Variants in FBLN7 observed in about 807,000 individuals in gnomAD.
FBLN7 encodes the protein fibulin 7, also known as fibulin-7.
Under a neutral mutation model 44.0 loss-of-function variants are expected in FBLN7, and 31 were observed. That is an observed-to-expected ratio of 0.70 (90% CI 0.53 to 0.95). FBLN7 has a LOEUF of 0.95. Ranked by LOEUF, FBLN7 falls within the 40% of genes least tolerant of loss-of-function variation. FBLN7 has a pLI of 0.00. For synonymous variants in FBLN7, 262 were observed against 253.4 expected (o/e 1.03, Z -0.32); for missense variants, 573 against 618.5 (o/e 0.93, Z 0.78).
In FBLN7 at chr2:112,138,598, C is replaced by T. The variant is rs1403486129; in HGVS notation, c.-58C>T. 4 of 1,595,860 alleles carry T rather than the reference C, an allele frequency of 2.5e-6. No homozygotes were observed. Among genetic ancestry groups the T allele is most frequent in the East Asian group, 4.6e-5 (2 of 43,478 alleles). On this transcript the variant is annotated 5_prime_UTR_variant, in exon 1 of 8. Coordinates refer to ENST00000331203, the MANE Select transcript of FBLN7 (RefSeq NM_153214.3). ...ACGGCTGCCGCATCGCTGGGACAAACTCGGCAGCGGAGGCAAAGTTATTTC... is the reference window on the plus strand; with the variant it reads ...ACGGCTGCCGCATCGCTGGGACAAATTCGGCAGCGGAGGCAAAGTTATTTC...
chr2:112,227,473 C>T, the FBLN7 span, among the ~76,000 whole-genome samples: 1 of 152,172 alleles, frequency 6.6e-6, no homozygotes, highest in South Asian at 2.1e-4. Context: ...TGCAGTGAAC[C>T]GAGATCGCGC....
the FBLN7 span, among the ~76,000 whole-genome samples, chr2:112,233,038 C>A: frequency 6.6e-6 from 1 of 152,156 alleles, no homozygotes; most frequent in East Asian, 1.9e-4. Flanking sequence ...CTATACCACC[C>A]AGGTTGAGCA....
At chr2:112,206,278 T>G in the FBLN7 span, among the ~76,000 whole-genome samples, 1 of 152,232 alleles carries the variant, frequency 6.6e-6, no homozygotes, top group Non-Finnish European at 1.5e-5. Flanking sequence ...CTTATCAGTT[T>G]GCCTAAAAGT....
the FBLN7 span, among the ~76,000 whole-genome samples, chr2:112,210,406 A>G: frequency 1.3e-5 from 2 of 152,272 alleles, no homozygotes; most frequent in South Asian, 2.1e-4. Flanking sequence ...CTGTAACCCC[A>G]GCACTTTGGG....
chr2:112,206,658 C>G, the FBLN7 span, among the ~76,000 whole-genome samples: 4 of 152,056 alleles, frequency 2.6e-5, no homozygotes, highest in South Asian at 6.2e-4. Flanking sequence ...ATCCACCTGC[C>G]CTTGGCCTCC....
intron 2 of FBLN7, among the ~76,000 whole-genome samples, chr2:112,162,242 T>C (rs186194290): frequency 3.4e-4 from 51 of 152,052 alleles, no homozygotes; most frequent in African/African-American, 1.1e-3. Context: ...ACTCCCAGGC[T>C]CAAGCGATCC....
chr2:112,160,862 ACACACT>A (rs1250064872), intron 2 of FBLN7, among the ~76,000 whole-genome samples: 5 of 151,956 alleles, frequency 3.3e-5, no homozygotes, highest in South Asian at 2.1e-4. Context: ...ACACACACAC[ACACACT>A]CAGCCCGAGC....
intron 2 of FBLN7, among the ~76,000 whole-genome samples, chr2:112,160,796 A>ACG (rs1558880457): frequency 7.0e-6 from 1 of 142,274 alleles, no homozygotes; most frequent in African/African-American, 2.6e-5. Context: ...GCACACGCAC[A>ACG]CACGCACGCA....
At chr2:112,200,873 C>T in the FBLN7 span, among the ~76,000 whole-genome samples, 3 of 152,172 alleles carry the variant, frequency 2.0e-5, no homozygotes, top group Non-Finnish European at 4.4e-5. Context: ...TATTCTCTTT[C>T]ACTTAAAGGT....
At chr2:112,227,677 C>T in the FBLN7 span, among the ~76,000 whole-genome samples, 1 of 152,202 alleles carries the variant, frequency 6.6e-6, no homozygotes, top group African/African-American at 2.4e-5. Context: ...TTTCTACATA[C>T]TACCAATGAA....
chr2:112,229,281 T>C, the FBLN7 span, among the ~76,000 whole-genome samples: 2 of 152,190 alleles, frequency 1.3e-5, no homozygotes, highest in Non-Finnish European at 2.9e-5. Flanking sequence ...AAGAATGATA[T>C]GAGGCCTCTA....
the FBLN7 span, among the ~76,000 whole-genome samples, chr2:112,219,031 C>G: frequency 6.6e-6 from 1 of 152,170 alleles, no homozygotes; most frequent in Non-Finnish European, 1.5e-5. Flanking sequence ...CTACCCAAAG[C>G]AATCTATGTA....
At chr2:112,231,860 T>C in the FBLN7 span, 24 of 1,590,842 alleles carry the variant, frequency 1.5e-5, no homozygotes, top group Non-Finnish European at 2.0e-5. Flanking sequence ...TTCTTGTGTT[T>C]CAGGAGTCAG....
Position 112,187,400 on chromosome 2 carries a change from C to T in FBLN7, c.1214C>T (p.Pro405Leu). The change falls in exon 8 of 8, where the codon CCT becomes CTT. Residue 405 changes from proline to leucine, a missense_variant. Coordinates refer to ENST00000331203, the MANE Select transcript of FBLN7 (RefSeq NM_153214.3). This position sits in a 1 kb window ranked among gnomAD's most constrained non-coding sequence, Gnocchi z 5.1. Reference sequence around the variant, plus strand: ...ATCCTTGTGCAGAACCTGGAGGGGCCTCAGACGCTGGAGGTGGACGTCGAC... The same window carrying T: ...ATCCTTGTGCAGAACCTGGAGGGGCTTCAGACGCTGGAGGTGGACGTCGAC... ...DLILVQNLEG[P>L]QTLEVDVDMS... 1 of 1,614,164 alleles carries T rather than the reference C, an allele frequency of 6.2e-7. No individual in the cohort carries two copies. The highest frequency in any genetic ancestry group is 8.5e-7 in the Non-Finnish European group (1 of 1,180,034).
chr2:112,226,066 A>G, the FBLN7 span, among the ~76,000 whole-genome samples: 2 of 152,076 alleles, frequency 1.3e-5, no homozygotes, highest in Non-Finnish European at 2.9e-5. Context: ...TAGGCAACAG[A>G]GCAAGACTTC....
intron 1 of FBLN7, among the ~76,000 whole-genome samples, chr2:112,150,125 G>A (rs904462562): frequency 3.9e-5 from 6 of 152,184 alleles, no homozygotes; most frequent in Admixed American, 2.0e-4. Flanking sequence ...ACGTTTCCCC[G>A]TCTGCTGGAG....
At chr2:112,196,573 ATTAC>A in the FBLN7 span, among the ~76,000 whole-genome samples, 1 of 151,596 alleles carries the variant, frequency 6.6e-6, no homozygotes, top group African/African-American at 2.4e-5. Context: ...GCCCAGCCTG[ATTAC>A]TTAAATTGCA....
chr2:112,162,766 A>C (rs1320359), intron 2 of FBLN7, among the ~76,000 whole-genome samples: 1 of 151,892 alleles, frequency 6.6e-6, no homozygotes, highest in African/African-American at 2.4e-5. Context: ...TAAGTGCCAG[A>C]TACTGTTCAA....
At chr2:112,175,084 G>A (rs1035265540) in intron 3 of FBLN7, among the ~76,000 whole-genome samples, 15 of 152,274 alleles carry the variant, frequency 9.9e-5, no homozygotes, top group East Asian at 7.7e-4. Flanking sequence ...CAGAAGTGTC[G>A]TGTAGATGAG....
Sources: allele counts gnomAD v4.1 joint callset (sites outside exome capture counted in the v4.1 genomes callset), GRCh38; gene constraint gnomAD v4.1.1; non-coding constraint Gnocchi (gnomAD v3.1); transcripts MANE v1.5; gene names NCBI Gene and HGNC (gene_info 2026-07-23, HGNC 2026-07-21).